DNAL4: variants seen among roughly 807,000 people sequenced by gnomAD.
The protein encoded by DNAL4 is dynein light chain, outer arm 4.
A neutral mutation model predicts 12.6 loss-of-function variants in DNAL4; 10 were observed. That is an observed-to-expected ratio of 0.79 (90% CI 0.49 to 1.34). DNAL4 has a LOEUF of 1.34. Ranked by LOEUF, DNAL4 falls within the 40% of genes most tolerant of loss-of-function variation. The pLI is 0.00. For synonymous variants in DNAL4, 46 were observed against 53.1 expected (o/e 0.87, Z 0.58); for missense variants, 128 against 138.1 (o/e 0.93, Z 0.37).
At chr22:38,784,597 G>A (rs759721689) in intron 1 of DNAL4, among the ~76,000 whole-genome samples, 94 of 147,328 alleles carry the variant, frequency 6.4e-4, no homozygotes, top group African/African-American at 2.1e-3. Context: ...TGCAAGCTCC[G>A]CTTCCCAGGT....
chr22:38,791,123 C>T (rs1316676448), intron 1 of DNAL4, among the ~76,000 whole-genome samples: 4 of 149,984 alleles, frequency 2.7e-5, no homozygotes, highest in Non-Finnish European at 5.9e-5. Flanking sequence ...GCAGAAATCA[C>T]ACCACTGCAC....
Position 38,779,616 on chromosome 22 carries a change from G to A in DNAL4, c.154-3C>T. ...TCTTTGATCATCTTGGCGGCGCTCT[G>A]GAAGGAAGAGGGCACTTATCAAGGG... On this transcript the variant is annotated splice_polypyrimidine_tract_variant and splice_region_variant and intron_variant, in intron 3 of 3. Transcript: ENST00000216068. The surrounding 1 kb of genome is among the most constrained non-coding windows in gnomAD (Gnocchi z 4.3). The A allele has an allele frequency of 1.3e-6, 2 of 1,594,064 alleles. No homozygotes were observed. Among genetic ancestry groups the A allele is most frequent in the Non-Finnish European group, 1.7e-6 (2 of 1,169,098 alleles).
chr22:38,783,051 A>G (rs1331721660), intron 1 of DNAL4, among the ~76,000 whole-genome samples, 181 bp from the exon 2 acceptor site: 2 of 152,186 alleles, frequency 1.3e-5, no homozygotes, highest in African/African-American at 4.8e-5. Flanking sequence ...GGACCTGGTT[A>G]AGAACACACT....
chr22:38,779,644 C>T lies in DNAL4; in HGVS notation c.154-31G>A, dbSNP rs376828677. On this transcript the variant is annotated intron_variant, in intron 3 of 3. Coordinates refer to ENST00000216068, the MANE Select transcript of DNAL4 (RefSeq NM_005740.3). This position sits in a 1 kb window ranked among gnomAD's most constrained non-coding sequence, Gnocchi z 4.3. ...AGGAAGAGGGCACTTATCAAGGGGG[C>T]GCAGGGCAGGTGGGGGCAGGAGTCA... is the stretch of plus-strand genomic sequence containing the variant. The T allele has an allele frequency of 3.1e-5, 49 of 1,576,476 alleles. No individual in the cohort carries two copies. The highest frequency in any genetic ancestry group is 1.4e-4 in the Admixed American group (8 of 55,564).
chr22:38,780,797 G>A, intron 3 of DNAL4, 129 bp downstream of exon 3: 1 of 879,150 alleles, frequency 1.1e-6, no homozygotes, highest in Non-Finnish European at 1.8e-6. Context: ...CAGACTGAAT[G>A]CTTCCAAGGA....
intron 1 of DNAL4, chr22:38,785,783 C>T (rs1333229723): frequency 6.6e-6 from 1 of 152,266 alleles, no homozygotes; most frequent in African/African-American, 2.4e-5. Context: ...AAACGGGATA[C>T]TAAATCCTAT....
chr22:38,791,464 C>T (rs2093050515), intron 1 of DNAL4, among the ~76,000 whole-genome samples: 1 of 152,108 alleles, frequency 6.6e-6, no homozygotes, highest in South Asian at 2.1e-4. Flanking sequence ...AGCGATTCTC[C>T]TGCCTCAGCC....
intron 1 of DNAL4, among the ~76,000 whole-genome samples, chr22:38,788,322 C>T (rs2093045437): frequency 6.6e-6 from 1 of 152,192 alleles, no homozygotes; most frequent in African/African-American, 2.4e-5. Flanking sequence ...GATACATCAT[C>T]TACTACAAAA....
chr22:38,782,868 G>A lies in DNAL4; in HGVS notation c.-137C>T, dbSNP rs1368995292. ...AGCAGAAAATGTCTTTCCCCGGGGGGTGCTGCAGAAAACAGGAGAAACCAG... is the reference window on the plus strand; with the variant it reads ...AGCAGAAAATGTCTTTCCCCGGGGGATGCTGCAGAAAACAGGAGAAACCAG... On this transcript the variant is annotated splice_region_variant and 5_prime_UTR_variant, in exon 2 of 4. Coordinates refer to ENST00000216068, the MANE Select transcript of DNAL4 (RefSeq NM_005740.3). This position sits in a 1 kb window ranked among gnomAD's most constrained non-coding sequence, Gnocchi z 5.1. 1 of 745,814 alleles carries A rather than the reference G, an allele frequency of 1.3e-6. No individual in the cohort carries two copies. Among genetic ancestry groups the A allele is most frequent in the Non-Finnish European group, 2.1e-6 (1 of 475,800 alleles). 46.2% of individuals were successfully genotyped at this position (745,814 alleles called of 1,614,324 possible).
At chr22:38,789,237 T>C (rs1473135479) in intron 1 of DNAL4, among the ~76,000 whole-genome samples, 1 of 152,224 alleles carries the variant, frequency 6.6e-6, no homozygotes, top group Admixed American at 6.5e-5. Flanking sequence ...TAGGATTTGA[T>C]TGCAGGTATA....
intron 1 of DNAL4, among the ~76,000 whole-genome samples, chr22:38,789,999 T>A (rs924005140): frequency 2.0e-5 from 3 of 152,164 alleles, no homozygotes; most frequent in African/African-American, 7.2e-5. Context: ...GCTGTGGACG[T>A]GTAGATGGGT....
intron 1 of DNAL4, among the ~76,000 whole-genome samples, chr22:38,790,562 T>C (rs1450525210): frequency 6.6e-6 from 1 of 151,990 alleles, no homozygotes; most frequent in African/African-American, 2.4e-5. Context: ...CAGATGGAGG[T>C]ATCTAGTCAG....
At position 38,780,738 on chromosome 22, in the gene DNAL4, A is replaced by T. The variant is rs1339004177; in HGVS notation, c.153+188T>A. ...CTTTGCTCCTCTAGGGCTGGGTGTG[A>T]CCGTCAGTGCCTGGAGTCAGCGCCA... On this transcript the variant is annotated intron_variant, in intron 3 of 3. Transcript: ENST00000216068. The T allele has an allele frequency of 1.2e-5, 7 of 590,904 alleles. No individual in the cohort carries two copies. In the East Asian group the frequency reaches 1.8e-4, roughly 15 times the overall value. 36.6% of individuals were successfully genotyped at this position (590,904 alleles called of 1,614,324 possible).
intron 2 of DNAL4, among the ~76,000 whole-genome samples, chr22:38,781,372 C>T (rs1471884017): frequency 6.6e-6 from 1 of 152,234 alleles, no homozygotes; most frequent in Non-Finnish European, 1.5e-5. Flanking sequence ...CTCTCTGGGG[C>T]CCCTGGTTTT....
Position 38,779,317 on chromosome 22 carries a change from A to C in DNAL4, c.*132T>G. On this transcript the variant is annotated 3_prime_UTR_variant, in exon 4 of 4. Coordinates refer to ENST00000216068, the MANE Select transcript of DNAL4 (RefSeq NM_005740.3). The surrounding 1 kb of genome is among the most constrained non-coding windows in gnomAD (Gnocchi z 4.3). ...TTCACACACTGGGCGTGGCTCAGGA[A>C]ACTGGTACACAAAGACAAAAAGAAA... The C allele has an allele frequency of 8.2e-7, 1 of 1,222,020 alleles. No homozygotes were observed. The highest frequency in any genetic ancestry group is 1.1e-6 in the Non-Finnish European group (1 of 907,388). 75.7% of individuals were successfully genotyped at this position (1,222,020 alleles called of 1,614,324 possible).
At chr22:38,784,940 C>G (rs1010315104) in intron 1 of DNAL4, among the ~76,000 whole-genome samples, 1 of 151,404 alleles carries the variant, frequency 6.6e-6, no homozygotes, top group Non-Finnish European at 1.5e-5. Context: ...TCCATTTGGT[C>G]GGCTCCCTCG....
intron 1 of DNAL4, among the ~76,000 whole-genome samples, chr22:38,783,797 A>G (rs2093038107): frequency 6.6e-6 from 1 of 152,130 alleles, no homozygotes; most frequent in Admixed American, 6.5e-5. Context: ...AGTGCCTGTA[A>G]AGCTAAGACA....
intron 2 of DNAL4, 100 bp from the exon 3 acceptor site, chr22:38,781,109 G>A: frequency 2.2e-6 from 3 of 1,349,892 alleles, no homozygotes; most frequent in Non-Finnish European, 3.1e-6. Flanking sequence ...ATGGACAGCA[G>A]GTAGCCTCCC....
chr22:38,779,279 T>C lies in DNAL4; in HGVS notation c.*170A>G. ...AGGGAGACGGTTGAGAGCCTGGGGA[T>C]GGAGATGTCAAGTTCACACACTGGG... On this transcript the variant is annotated 3_prime_UTR_variant, in exon 4 of 4. Coordinates refer to ENST00000216068, the MANE Select transcript of DNAL4 (RefSeq NM_005740.3). The surrounding 1 kb of genome is among the most constrained non-coding windows in gnomAD (Gnocchi z 4.3). 1.2e-6 allele frequency: 1 copy of C among 831,186 alleles called. No individual in the cohort carries two copies. Among genetic ancestry groups the C allele is most frequent in the South Asian group, 2.2e-5 (1 of 45,914 alleles). The allele number at this position is 831,186 out of a possible 1,614,324, so 51.5% of individuals were successfully genotyped here.
Sources: allele counts gnomAD v4.1 joint callset (sites outside exome capture counted in the v4.1 genomes callset), GRCh38; gene constraint gnomAD v4.1.1; non-coding constraint Gnocchi (gnomAD v3.1); transcripts MANE v1.5; gene names NCBI Gene and HGNC (gene_info 2026-07-23, HGNC 2026-07-21).